The following SEMA5A variants were observed in gnomAD, a reference collection of about 807,000 sequenced individuals.
The protein encoded by SEMA5A is semaphorin 5A.
Under a neutral mutation model 135.5 loss-of-function variants are expected in SEMA5A, and 55 were observed. That is an observed-to-expected ratio of 0.41 (90% CI 0.33 to 0.51). The LOEUF (loss-of-function observed/expected upper bound fraction) is 0.51, where lower values mean the gene tolerates loss of function less well. Ranked by LOEUF, SEMA5A falls within the 20% of genes least tolerant of loss-of-function variation. SEMA5A has a pLI of 0.37. For synonymous variants in SEMA5A, 580 were observed against 546.5 expected (o/e 1.06, Z -0.85); for missense variants, 1,290 against 1,419.9 (o/e 0.91, Z 1.47).
chr5:9,150,200 C>T (rs1742558091), intron 12 of SEMA5A, among the ~76,000 whole-genome samples: 1 of 152,122 alleles, frequency 6.6e-6, no homozygotes, highest in African/African-American at 2.4e-5. Flanking sequence ...TGGCCTGGCC[C>T]ACAGGATGAG....
At chr5:9,396,574 G>C (rs1756411865) in intron 2 of SEMA5A, among the ~76,000 whole-genome samples, 2 of 152,064 alleles carry the variant, frequency 1.3e-5, no homozygotes, top group African/African-American at 4.8e-5. Flanking sequence ...CACCCAATGT[G>C]CTAATGTTCC....
intron 10 of SEMA5A, among the ~76,000 whole-genome samples, chr5:9,195,578 C>G (rs564940014): frequency 6.6e-6 from 1 of 152,258 alleles, no homozygotes; most frequent in East Asian, 1.9e-4. Flanking sequence ...ATCCCTTTCC[C>G]CCTTTGTTGA....
intron 3 of SEMA5A, among the ~76,000 whole-genome samples, chr5:9,361,772 A>C (rs1754706564): frequency 6.6e-6 from 1 of 152,154 alleles, no homozygotes; most frequent in African/African-American, 2.4e-5. Context: ...TATTTTGCGG[A>C]TCTAGGGTCC....
At chr5:9,122,984 G>T in intron 13 of SEMA5A, 147 bp from the exon 14 acceptor site, 1 of 688,122 alleles carries the variant, frequency 1.5e-6, no homozygotes. Context: ...GGCCAGGCGC[G>T]GTGGTTCACG....
chr5:9,238,959 G>A (rs1806006), intron 5 of SEMA5A, among the ~76,000 whole-genome samples: 5,407 of 152,052 alleles, frequency 0.036, 194 homozygotes, highest in South Asian at 0.1. Context: ...ATCATATGAA[G>A]GAAAATAATG....
chr5:9,506,176 AT>A (rs915884022), intron 1 of SEMA5A, among the ~76,000 whole-genome samples: 11 of 152,184 alleles, frequency 7.2e-5, no homozygotes, highest in Non-Finnish European at 1.5e-4. Flanking sequence ...AAAAGTTTTA[AT>A]TTTATTTTAG....
intron 12 of SEMA5A, among the ~76,000 whole-genome samples, chr5:9,137,581 G>A (rs1189378781): frequency 6.6e-6 from 1 of 152,134 alleles, no homozygotes; most frequent in Non-Finnish European, 1.5e-5. Context: ...AAGTTGGAGG[G>A]GCAGGAAGCA....
Position 9,190,322 on chromosome 5 carries a change from T to G in SEMA5A, c.1218A>C (p.Ala406=), listed in dbSNP as rs375904954. 1 of 1,614,138 alleles carries G rather than the reference T, an allele frequency of 6.2e-7. No individual in the cohort carries two copies. The highest frequency in any genetic ancestry group is 1.3e-5 in the African/African-American group (1 of 75,040). Residue 406 remains alanine, a synonymous_variant, in exon 11 of 23, where the codon GCA becomes GCC. Transcript: ENST00000382496. Reference sequence around the variant, plus strand: ...CTTCTCTGCCCTGCACCACGTCGACTGCCACGTGGGAAAAGCGGCTATTGT... The same window carrying G: ...CTTCTCTGCCCTGCACCACGTCGACGGCCACGTGGGAAAAGCGGCTATTGT... ...MEDNSRFSHV[A]VDVVQGREAL... is the part of the protein sequence containing the mutation.
At chr5:9,521,458 T>C (rs1180770344) in intron 1 of SEMA5A, among the ~76,000 whole-genome samples, 2 of 151,330 alleles carry the variant, frequency 1.3e-5, no homozygotes, top group Admixed American at 1.3e-4. Flanking sequence ...TAAAAGTTTA[T>C]CTTGTTAAAA....
chr5:9,125,368 G>A (rs73045669), intron 13 of SEMA5A, among the ~76,000 whole-genome samples: 2,745 of 152,236 alleles, frequency 0.018, 39 homozygotes, highest in African/African-American at 0.047. Flanking sequence ...GGACATATGT[G>A]CAAAATAATC....
At chr5:9,412,801 C>G (rs1561232757) in intron 2 of SEMA5A, among the ~76,000 whole-genome samples, 1 of 152,026 alleles carries the variant, frequency 6.6e-6, no homozygotes, top group Non-Finnish European at 1.5e-5. Flanking sequence ...CAAATGAGAT[C>G]AGGTGTAGAA....
At chr5:9,471,227 G>A (rs966011848) in intron 1 of SEMA5A, among the ~76,000 whole-genome samples, 4 of 152,106 alleles carry the variant, frequency 2.6e-5, no homozygotes, top group African/African-American at 9.7e-5. Context: ...AGTGTCCTGA[G>A]GATGAACGAG....
chr5:9,427,537 T>G, intron 2 of SEMA5A, among the ~76,000 whole-genome samples: 1 of 152,200 alleles, frequency 6.6e-6, no homozygotes, highest in Non-Finnish European at 1.5e-5. Context: ...GTCCTTCTCC[T>G]GCTTTACTAA....
intron 4 of SEMA5A, among the ~76,000 whole-genome samples, chr5:9,328,098 T>G (rs1752957651): frequency 1.3e-5 from 2 of 152,342 alleles, no homozygotes; most frequent in Middle Eastern, 3.4e-3. Flanking sequence ...TCCTCCCATA[T>G]GCTCTATCCC....
At chr5:9,514,995 C>T (rs1736425366) in intron 1 of SEMA5A, among the ~76,000 whole-genome samples, 1 of 152,190 alleles carries the variant, frequency 6.6e-6, no homozygotes, top group Non-Finnish European at 1.5e-5. Context: ...AGCCATGTTC[C>T]TCAAAATGTT....
intron 13 of SEMA5A, among the ~76,000 whole-genome samples, chr5:9,123,153 C>T (rs1740908228): frequency 6.8e-6 from 1 of 146,946 alleles, no homozygotes; most frequent in Admixed American, 7.0e-5. Context: ...ACTCAGGAGG[C>T]TGAGGCAGGA....
rs369327447 is a variant in SEMA5A, at chr5:9,269,854, G to A, written c.271-31964C>T. ...TAGGAAGCCAGTGTTATTAAATTCC[G>A]TATGACAATGAACTCCATCCAGTCC... On this transcript the variant is annotated intron_variant, in intron 5 of 22. Coordinates refer to ENST00000382496, the MANE Select transcript of SEMA5A (RefSeq NM_003966.3). Among the ~76,000 whole-genome samples, 27 of 152,138 alleles carry A rather than the reference G, an allele frequency of 1.8e-4. No homozygotes were observed. The South Asian group carries it at 2.1e-3, about 12-fold the overall frequency.
chr5:9,311,476 A>G (rs533206785), intron 5 of SEMA5A, among the ~76,000 whole-genome samples: 2 of 152,056 alleles, frequency 1.3e-5, no homozygotes, highest in South Asian at 4.2e-4. Context: ...CATCATTCCC[A>G]GTAAACTATC....
chr5:9,378,318 T>C (rs1337571132), intron 3 of SEMA5A, among the ~76,000 whole-genome samples: 1 of 152,206 alleles, frequency 6.6e-6, no homozygotes, highest in African/African-American at 2.4e-5. Flanking sequence ...ATAGTTTATA[T>C]AGAAGTATTC....
Sources: allele counts gnomAD v4.1 joint callset (sites outside exome capture counted in the v4.1 genomes callset), GRCh38; gene constraint gnomAD v4.1.1; transcripts MANE v1.5; gene names NCBI Gene and HGNC (gene_info 2026-07-23, HGNC 2026-07-21).